ZNF106: variants seen among roughly 807,000 people sequenced by gnomAD.
ZNF106 encodes the protein SH3-domain binding protein 3.
In ZNF106, 67 loss-of-function variants were observed where a neutral mutation model predicts 195.1. The observed-to-expected ratio is 0.34, with a 90% CI of 0.28 to 0.42. ZNF106 has a LOEUF of 0.42. ZNF106 is among the 10% of genes least tolerant of loss of function. The pLI, the probability that ZNF106 is intolerant of heterozygous loss-of-function variation, is 1.00. For synonymous variants in ZNF106, 784 were observed against 818.6 expected (o/e 0.96, Z 0.72); for missense variants, 2,118 against 2,304.5 (o/e 0.92, Z 1.66).
chr15:42,435,351 T>G (rs780590211), intron 14 of ZNF106, 33 bp downstream of exon 14: 10 of 1,613,754 alleles, frequency 6.2e-6, no homozygotes, highest in Non-Finnish European at 7.6e-6. Flanking sequence ...CGACTCAATA[T>G]GAACCACTTT....
chr15:42,428,170 T>A, intron 14 of ZNF106, 36 bp from the exon 15 acceptor site: 1 of 1,563,386 alleles, frequency 6.4e-7, no homozygotes, highest in Non-Finnish European at 8.8e-7. Flanking sequence ...CAGCAGAGGG[T>A]ACTGGCAAAT....
Position 42,435,420 on chromosome 15 carries a change from C to T in ZNF106, c.4845G>A (p.Gly1615=), listed in dbSNP as rs1213420135. The change falls in exon 14 of 22, where the codon GGG becomes GGA. Residue 1615 remains glycine (G), a synonymous_variant. Coordinates refer to ENST00000564754, the MANE Select transcript of ZNF106 (RefSeq NM_001366845.3). ...AGCAGCGGATGGTATGGTCACTGGA[C>T]CCGGTGTAAAGGGCAGCATTCTTCC... The part of the protein sequence containing the change: ...TSGKNAALYT[G]SSDHTIRCYN... 6.2e-7 allele frequency: 1 copy of T among 1,614,122 alleles called. No individual in the cohort carries two copies. The highest frequency in any genetic ancestry group is 8.5e-7 in the Non-Finnish European group (1 of 1,180,034).
chr15:42,433,917 C>G (rs768870149), intron 14 of ZNF106, among the ~76,000 whole-genome samples: 1 of 152,030 alleles, frequency 6.6e-6, no homozygotes, highest in Non-Finnish European at 1.5e-5. Flanking sequence ...GACACAAGCA[C>G]AGCTCACTAT....
In ZNF106 at chr15:42,486,602, TTTAGTA is replaced by T. The variant is rs372835497; in HGVS notation, c.-33+4372_-33+4377del. On this transcript the variant is annotated intron_variant, in intron 1 of 21. Transcript: ENST00000564754. ...CGTATAGCTCACATTTATTTCAATG[TTTAGTA>T]TTAGAAGTGTTTGGGGTCTTCATTT... is the stretch of plus-strand genomic sequence containing the variant. Among the ~76,000 whole-genome samples, 650 of 152,262 alleles carry T rather than the reference TTTAGTA, an allele frequency of 4.3e-3. 4 individuals carry two copies. Among genetic ancestry groups the T allele is most frequent in the African/African-American group, 0.015 (614 of 41,556 alleles).
intron 14 of ZNF106, 122 bp from the exon 15 acceptor site, chr15:42,428,256 A>G: frequency 2.9e-6 from 2 of 682,532 alleles, no homozygotes; most frequent in South Asian, 1.8e-5. Context: ...GACATCCTCT[A>G]TTTTGTAGGG....
At chr15:42,458,405 C>CAAAAAAAAAA (rs2056300229) in intron 3 of ZNF106, among the ~76,000 whole-genome samples, 1 of 126,914 alleles carries the variant, frequency 7.9e-6, no homozygotes. Flanking sequence ...AATATTCATT[C>CAAAAAAAAAA]AAGGAAAAAA....
At chr15:42,464,008 A>G (rs1023178149) in intron 3 of ZNF106, among the ~76,000 whole-genome samples, 1 of 151,826 alleles carries the variant, frequency 6.6e-6, no homozygotes, top group African/African-American at 2.4e-5. Context: ...GTCACAAAAA[A>G]ATAAATTTCA....
intron 3 of ZNF106, among the ~76,000 whole-genome samples, chr15:42,462,967 G>GA (rs1397263936): frequency 3.4e-5 from 5 of 145,806 alleles, no homozygotes; most frequent in African/African-American, 1.0e-4. Context: ...TTTGTTTTTT[G>GA]TTTTTTTTTT....
intron 18 of ZNF106, among the ~76,000 whole-genome samples, chr15:42,422,262 A>G (rs1258039616): frequency 1.3e-5 from 2 of 152,074 alleles, no homozygotes; most frequent in African/African-American, 4.8e-5. Context: ...GACAGGTTTT[A>G]AGAGACTGGA....
intron 9 of ZNF106, among the ~76,000 whole-genome samples, chr15:42,442,850 C>T (rs760154117): frequency 1.3e-5 from 2 of 151,930 alleles, no homozygotes; most frequent in African/African-American, 2.4e-5. Context: ...GTGGCGCAAT[C>T]TCGGCTCACT....
rs2054386535 is a variant in ZNF106, at chr15:42,414,696, CGA to C, written c.*2606_*2607del. The C allele has an allele frequency of 6.6e-6, 1 of 152,268 alleles. No individual in the cohort carries two copies. The highest frequency in any genetic ancestry group is 2.1e-4 in the South Asian group (1 of 4,832). 9.4% of individuals were successfully genotyped at this position (152,268 alleles called of 1,614,324 possible). A position where few individuals can be genotyped will look rare whatever the true frequency, so the allele number is the denominator to read the frequency against. On this transcript the variant is annotated 3_prime_UTR_variant, in exon 22 of 22. Transcript: ENST00000564754. ...AAAGTCTCCTTCACTCTCATCTTTTCGATACATCGTCAGGCAGGGCAGAAGGG... is the reference window on the plus strand; with the variant it reads ...AAAGTCTCCTTCACTCTCATCTTTTCTACATCGTCAGGCAGGGCAGAAGGG...
chr15:42,418,661 G>A (rs1566992481), intron 20 of ZNF106, among the ~76,000 whole-genome samples: 1 of 150,866 alleles, frequency 6.6e-6, no homozygotes, highest in South Asian at 2.1e-4. Flanking sequence ...TTACAGGCGT[G>A]AGCCACCGCA....
chr15:42,440,309 C>A (rs2055451091), intron 10 of ZNF106, among the ~76,000 whole-genome samples: 1 of 152,092 alleles, frequency 6.6e-6, no homozygotes, highest in African/African-American at 2.4e-5. Context: ...GAAATAATCA[C>A]AGATGTACTC....
chr15:42,442,538 C>T, intron 9 of ZNF106, 124 bp from the exon 10 acceptor site: 1 of 740,474 alleles, frequency 1.4e-6, no homozygotes, highest in Non-Finnish European at 2.1e-6. Flanking sequence ...TAGTATAGTC[C>T]CTCATAATTC....
chr15:42,451,719 C>T lies in ZNF106; in HGVS notation c.553G>A (p.Gly185Arg), dbSNP rs977438898. 8.1e-6 allele frequency: 13 copies of T among 1,614,072 alleles called. No individual in the cohort carries two copies. Among genetic ancestry groups the T allele is most frequent in the South Asian group, 1.1e-5 (1 of 91,084 alleles). ...RNGGGPRGRS[G>R]WHKGVAGGSS... ...CCTCCTGCAACACCCTTATGCCACCCGGAACGTCCTCTTGGTCCACCACCA... is the reference window on the plus strand; with the variant it reads ...CCTCCTGCAACACCCTTATGCCACCTGGAACGTCCTCTTGGTCCACCACCA... Residue 185 changes from glycine (G) to arginine (R), a missense_variant, in exon 5 of 22, where the codon GGG becomes AGG. Physicochemically the swap from Gly to Arg is moderately radical, Grantham distance 125 (BLOSUM62 -2). Coordinates refer to ENST00000564754, the MANE Select transcript of ZNF106 (RefSeq NM_001366845.3).
intron 1 of ZNF106, among the ~76,000 whole-genome samples, chr15:42,489,588 C>T (rs1489395953): frequency 6.6e-6 from 1 of 152,140 alleles, no homozygotes; most frequent in Non-Finnish European, 1.5e-5. Flanking sequence ...GCGGTATTGG[C>T]AAATGTGTAG....
intron 14 of ZNF106, among the ~76,000 whole-genome samples, chr15:42,434,723 G>A (rs1468187361): frequency 6.6e-6 from 1 of 150,386 alleles, no homozygotes; most frequent in Non-Finnish European, 1.5e-5. Flanking sequence ...CAGAGGAGAT[G>A]TCCATTTCTA....
chr15:42,466,994 G>A (rs1178049945), intron 2 of ZNF106, among the ~76,000 whole-genome samples: 1 of 152,146 alleles, frequency 6.6e-6, no homozygotes, highest in South Asian at 2.1e-4. Context: ...TTAGCTGGGC[G>A]TGGCAGTGCG....
rs752930168 is a variant in ZNF106, at chr15:42,417,314, AT to A, written c.5710del (p.Ile1904LeufsTer16). ...GGGAGGCAAAAAACTTCATGAATCA[AT>A]TTTGCTGTCATCTTCAGCATGTCGT... Reference protein sequence around the residue: ...IERHAEDDSKIDS With the variant: ...IERHAEDDSKXDS On this transcript the variant is annotated frameshift_variant, in exon 22 of 22. Coordinates refer to ENST00000564754, the MANE Select transcript of ZNF106 (RefSeq NM_001366845.3). LOFTEE classifies it high-confidence loss of function. 1 of 1,614,044 alleles carries A rather than the reference AT, an allele frequency of 6.2e-7. No homozygotes were observed. Among genetic ancestry groups the A allele is most frequent in the South Asian group, 1.1e-5 (1 of 91,066 alleles).
Sources: gnomAD v4.1 joint callset for allele counts (sites outside exome capture counted in the v4.1 genomes callset) on GRCh38, gnomAD v4.1.1 for gene constraint, MANE v1.5 for transcripts, NCBI Gene and HGNC (gene_info 2026-07-23, HGNC 2026-07-21) for gene names.